Variants in EVC observed in about 807,000 individuals in gnomAD.
EVC encodes EvC ciliary complex subunit 1, also known as evC complex member EVC.
EVC carries 116 observed loss-of-function variants against 118.9 expected under a neutral mutation model. The observed-to-expected ratio is 0.98, with a 90% CI of 0.84 to 1.14. The LOEUF is 1.14. EVC is among the 50% of genes most tolerant of loss of function. The pLI, the probability that EVC is intolerant of heterozygous loss-of-function variation, is 0.00. For synonymous variants in EVC, 619 were observed against 534.7 expected (o/e 1.16, Z -2.18); for missense variants, 1,401 against 1,246.4 (o/e 1.12, Z -1.87).
At chr4:5,786,913 C>T (rs1711759267) in intron 12 of EVC, among the ~76,000 whole-genome samples, 1 of 151,688 alleles carries the variant, frequency 6.6e-6, no homozygotes, top group Non-Finnish European at 1.5e-5. Flanking sequence ...AGTTAGAGAT[C>T]CACCTGCCAT....
intron 5 of EVC, among the ~76,000 whole-genome samples, chr4:5,740,040 A>G (rs1378902350): frequency 1.3e-5 from 2 of 152,220 alleles, no homozygotes; most frequent in Non-Finnish European, 2.9e-5. Flanking sequence ...CTTTTCAATA[A>G]ATGGTACTGG....
Position 5,731,550 on chromosome 4 carries a change from C to A in EVC, c.510C>A (p.Asp170Glu). 1 of 1,614,088 alleles carries A rather than the reference C, an allele frequency of 6.2e-7. No homozygotes were observed. Among genetic ancestry groups the A allele is most frequent in the East Asian group, 2.2e-5 (1 of 44,854 alleles). Reference sequence around the variant, plus strand: ...GGAGCCTGAGCCAGGGTGAGAAGGACGACTGCAGCTCCTCATCCAGCGTCC... The same window carrying A: ...GGAGCCTGAGCCAGGGTGAGAAGGAAGACTGCAGCTCCTCATCCAGCGTCC... ...SLGSLSQGEK[D>E]DCSSSSSVHS... The change falls in exon 4 of 21, where the codon GAC (aspartate) becomes GAA (glutamate). Residue 170 changes from aspartate (D) to glutamate (E), a missense_variant. Asp to Glu is a conservative substitution (Grantham distance 45). Transcript: ENST00000264956. This position sits in a 1 kb window ranked among gnomAD's most constrained non-coding sequence, Gnocchi z 5.6.
downstream of EVC, among the ~76,000 whole-genome samples, chr4:5,819,233 C>T (rs1056123027): frequency 3.3e-5 from 5 of 152,144 alleles, no homozygotes; most frequent in Non-Finnish European, 7.3e-5. Context: ...TAACGCTCCC[C>T]GTCCCTGCCA....
chr4:5,725,874 C>G (rs1443140528), intron 2 of EVC, among the ~76,000 whole-genome samples: 1 of 152,170 alleles, frequency 6.6e-6, no homozygotes, highest in Non-Finnish European at 1.5e-5. Context: ...TTTAATCCAT[C>G]TTGAGTTAAT....
At chr4:5,771,611 G>C (rs1197188470) in intron 11 of EVC, among the ~76,000 whole-genome samples, 1 of 152,154 alleles carries the variant, frequency 6.6e-6, no homozygotes, top group African/African-American at 2.4e-5. Context: ...AAATAAATTT[G>C]TTTATTGAAG....
rs1175944188 is a variant in EVC at position 5,743,664 on chromosome 4, G to A, written c.802-1540G>A. On this transcript the variant is annotated intron_variant, in intron 6 of 20. Coordinates refer to ENST00000264956, the MANE Select transcript of EVC (RefSeq NM_153717.3). The surrounding 1 kb of genome is among the most constrained non-coding windows in gnomAD (Gnocchi z 4.7). Reference sequence around the variant, plus strand: ...TACTCCACTGGATTCCATGAGGAAGGATGACTCACTGCATCCCAGGAAGGA... The same window carrying A: ...TACTCCACTGGATTCCATGAGGAAGAATGACTCACTGCATCCCAGGAAGGA... 6.6e-6 allele frequency among the ~76,000 whole-genome samples: 1 copy of A among 152,150 alleles called. No homozygotes were observed. The highest frequency in any genetic ancestry group is 1.5e-5 in the Non-Finnish European group (1 of 68,040).
rs896272274 is a variant in EVC, at chr4:5,719,062, T to C, written c.175-186T>C. 2.0e-5 allele frequency among the ~76,000 whole-genome samples: 3 copies of C among 152,072 alleles called. No individual in the cohort carries two copies. ...GTGACCTGTGCAGTCTTGAAGGACA[T>C]GTAGCGGACCCCACGTGGGGTGGGA... On this transcript the variant is annotated intron_variant, in intron 1 of 20. Transcript: ENST00000264956. The surrounding 1 kb of genome is among the most constrained non-coding windows in gnomAD (Gnocchi z 4.7).
chr4:5,723,848 G>A (rs1408721731), intron 2 of EVC, among the ~76,000 whole-genome samples: 1 of 152,136 alleles, frequency 6.6e-6, no homozygotes, highest in Non-Finnish European at 1.5e-5. Context: ...GACTCTGCAA[G>A]TGAGTCCTGA....
Position 5,756,168 on chromosome 4 carries a change from T to C in EVC, c.1465-96T>C. On this transcript the variant is annotated intron_variant, in intron 10 of 20. Coordinates refer to ENST00000264956, the MANE Select transcript of EVC (RefSeq NM_153717.3). This position sits in a 1 kb window ranked among gnomAD's most constrained non-coding sequence, Gnocchi z 4.2. ...ATACAGGTGCCAACATCCTTCTTTC[T>C]AACCTGAGATGCAGGGGATGGTTGG... The C allele has an allele frequency of 7.3e-6, 7 of 952,548 alleles. No individual in the cohort carries two copies. The highest frequency in any genetic ancestry group is 1.1e-5 in the Non-Finnish European group (7 of 609,842). The allele number at this position is 952,548 out of a possible 1,614,324, so 59.0% of individuals were successfully genotyped here. A position where few individuals can be genotyped will look rare whatever the true frequency, so the allele number is the denominator to read the frequency against.
At chr4:5,818,376 G>C (rs1415710803), downstream of EVC, among the ~76,000 whole-genome samples, 1 of 152,078 alleles carries the variant, frequency 6.6e-6, no homozygotes, top group Admixed American at 6.5e-5. Context: ...CCCCTTCCTG[G>C]GACATCAGAG....
At position 5,755,562 on chromosome 4, in the gene EVC, G is replaced by C. The variant is rs1377938714; in HGVS notation, c.1465-702G>C. Among the ~76,000 whole-genome samples, 1 of 152,014 alleles carries C rather than the reference G, an allele frequency of 6.6e-6. No homozygotes were observed. The highest frequency in any genetic ancestry group is 2.4e-5 in the African/African-American group (1 of 41,360). ...CCCGTAGCATCACCAAAGATCTTAG[G>C]GGGTTTACCTCCTGGTCTCTGCTGC... On this transcript the variant is annotated intron_variant, in intron 10 of 20. Transcript: ENST00000264956. This position sits in a 1 kb window ranked among gnomAD's most constrained non-coding sequence, Gnocchi z 4.1.
chr4:5,797,278 C>T (rs778288452), intron 14 of EVC, 46 bp downstream of exon 14: 47 of 1,466,744 alleles, frequency 3.2e-5, no homozygotes, highest in Non-Finnish European at 4.3e-5. Flanking sequence ...AGGCGGTGCC[C>T]CTGCAGCAGG....
intron 11 of EVC, among the ~76,000 whole-genome samples, chr4:5,757,239 G>T (rs963196181): frequency 2.6e-5 from 4 of 152,220 alleles, no homozygotes; most frequent in Non-Finnish European, 5.9e-5. Context: ...TCTGAGTGCA[G>T]AGGAGAGGCA....
Position 5,738,384 on chromosome 4 carries a change from T to TC in EVC, c.703-3330dup, listed in dbSNP as rs1371252166. Among the ~76,000 whole-genome samples, 1 of 152,294 alleles carries TC rather than the reference T, an allele frequency of 6.6e-6. No individual in the cohort carries two copies. Among genetic ancestry groups the TC allele is most frequent in the East Asian group, 1.9e-4 (1 of 5,188 alleles). On this transcript the variant is annotated intron_variant, in intron 5 of 20. Transcript: ENST00000264956. This position sits in a 1 kb window ranked among gnomAD's most constrained non-coding sequence, Gnocchi z 6.5. ...AGCTGCAGGGTTTGAGAGGATTGAC[T>TC]CCAAGTTTTAAAGTTCTACTGTGGG...
At chr4:5,805,239 A>G (rs1451134400) in intron 17 of EVC, among the ~76,000 whole-genome samples, 1 of 152,138 alleles carries the variant, frequency 6.6e-6, no homozygotes, top group Non-Finnish European at 1.5e-5. Context: ...AGGGCAGGGA[A>G]GTGAGGAAGA....
intron 2 of EVC, among the ~76,000 whole-genome samples, chr4:5,722,927 A>G (rs1400847788): frequency 2.0e-5 from 3 of 152,232 alleles, no homozygotes; most frequent in Non-Finnish European, 4.4e-5. Flanking sequence ...TTAAAAAACT[A>G]AAGGCAGTGG....
At chr4:5,814,881 G>C (rs1243421761), downstream of EVC, among the ~76,000 whole-genome samples, 1 of 152,062 alleles carries the variant, frequency 6.6e-6, no homozygotes, top group African/African-American at 2.4e-5. Flanking sequence ...GCCCCCCTTA[G>C]ATTCTAGGTC....
rs1714416889 is a variant in EVC at position 5,798,649 on chromosome 4, C to T, written c.2161C>T (p.Leu721Phe). 3 of 1,596,022 alleles carry T rather than the reference C, an allele frequency of 1.9e-6. No individual in the cohort carries two copies. Among genetic ancestry groups the T allele is most frequent in the Non-Finnish European group, 2.6e-6 (3 of 1,173,112 alleles). The change falls in exon 15 of 21, where the codon CTC (leucine) becomes TTC (phenylalanine). Residue 721 changes from leucine (L) to phenylalanine (F), a missense_variant. By Grantham distance (22) the Leu-to-Phe change is conservative. Transcript: ENST00000264956. The surrounding 1 kb of genome is among the most constrained non-coding windows in gnomAD (Gnocchi z 4.1). ...GGAAGCACAGCAGACACGGCTGCAGCTCCAGCAGCGGCTCCTGGCCGAGGC... is the reference window on the plus strand; with the variant it reads ...GGAAGCACAGCAGACACGGCTGCAGTTCCAGCAGCGGCTCCTGGCCGAGGC... ...EEEAQQTRLQ[L>F]QQRLLAEAQE...
At position 5,798,721 on chromosome 4, in the gene EVC, G is replaced by A. The variant is rs752249506; in HGVS notation, c.2233G>A (p.Gly745Arg). 2 of 1,610,850 alleles carry A rather than the reference G, an allele frequency of 1.2e-6. No homozygotes were observed. Among genetic ancestry groups the A allele is most frequent in the South Asian group, 1.1e-5 (1 of 90,726 alleles). ...GCAGCAGCACATGGAGTGCGCCATT[G>A]GGCAGGCGCTGCTGGTGCATGCACG... ...LLQQHMECAIGQALLVHARNA... is the reference protein window; with the variant it reads ...LLQQHMECAIRQALLVHARNA... The change falls in exon 15 of 21, where the codon GGG (glycine) becomes AGG (arginine). Residue 745 changes from glycine (G) to arginine (R), a missense_variant. Coordinates refer to ENST00000264956, the MANE Select transcript of EVC (RefSeq NM_153717.3). This position sits in a 1 kb window ranked among gnomAD's most constrained non-coding sequence, Gnocchi z 4.1.
Sources: gnomAD v4.1 joint callset for allele counts (sites outside exome capture counted in the v4.1 genomes callset) on GRCh38, gnomAD v4.1.1 for gene constraint, Gnocchi (gnomAD v3.1) non-coding constraint, MANE v1.5 for transcripts, NCBI Gene and HGNC (gene_info 2026-07-23, HGNC 2026-07-21) for gene names.